SLX4IP: variants seen among roughly 807,000 people sequenced by gnomAD.
SLX4IP encodes the protein protein SLX4IP.
SLX4IP carries 34 observed loss-of-function variants against 32.9 expected under a neutral mutation model. The observed-to-expected ratio is 1.03, with a 90% CI of 0.79 to 1.38. The LOEUF is 1.38. SLX4IP is among the 40% of genes most tolerant of loss of function. SLX4IP has a pLI of 0.00. For missense variants in SLX4IP, 444 were observed against 479.0 expected, an observed-to-expected ratio of 0.93 and a Z score of 0.68; for synonymous variants, 172 against 171.7, an observed-to-expected ratio of 1.00 and a Z score of -0.01.
intron 4 of SLX4IP, among the ~76,000 whole-genome samples, chr20:10,594,784 C>A (rs550600255): frequency 6.6e-6 from 1 of 152,076 alleles, no homozygotes; most frequent in African/African-American, 2.4e-5. Context: ...ATGAAGACTG[C>A]AAATTTCTAG....
At chr20:10,504,097 A>G (rs2065740202) in intron 2 of SLX4IP, among the ~76,000 whole-genome samples, 1 of 152,206 alleles carries the variant, frequency 6.6e-6, no homozygotes, top group African/African-American at 2.4e-5. Flanking sequence ...AGCCATGAAG[A>G]AAGCCTAGAT....
chr20:10,540,084 C>CTCCT (rs745590164), intron 2 of SLX4IP, among the ~76,000 whole-genome samples: 2,390 of 124,728 alleles, frequency 0.019, 210 homozygotes, highest in Admixed American at 0.032. Flanking sequence ...TTTCTTTTCT[C>CTCCT]TCCTTCCTTC....
At chr20:10,443,029 A>T (rs2065171327) in intron 1 of SLX4IP, among the ~76,000 whole-genome samples, 1 of 152,210 alleles carries the variant, frequency 6.6e-6, no homozygotes, top group Non-Finnish European at 1.5e-5. Context: ...AATATGAAAC[A>T]CTAGGATCTT....
intron 6 of SLX4IP, among the ~76,000 whole-genome samples, chr20:10,603,578 G>A (rs912156911): frequency 6.6e-6 from 1 of 152,210 alleles, no homozygotes; most frequent in African/African-American, 2.4e-5. Flanking sequence ...CTTGTTTTGA[G>A]TGATTGTCTT....
chr20:10,616,231 A>G (rs1366778891), intron 6 of SLX4IP, among the ~76,000 whole-genome samples: 2 of 151,658 alleles, frequency 1.3e-5, no homozygotes, highest in African/African-American at 4.8e-5. Context: ...TTCCATTCTA[A>G]CCACTGCTCC....
chr20:10,524,023 T>TA (rs1444330375), intron 2 of SLX4IP, among the ~76,000 whole-genome samples: 2 of 152,202 alleles, frequency 1.3e-5, no homozygotes, highest in African/African-American at 4.8e-5. Context: ...TGGTCGAACG[T>TA]AAGAGCCTTC....
intron 4 of SLX4IP, among the ~76,000 whole-genome samples, chr20:10,562,363 C>T (rs918377315): frequency 7.2e-5 from 11 of 152,082 alleles, no homozygotes; most frequent in Admixed American, 5.2e-4. Flanking sequence ...GGAGTTGGGC[C>T]GCCCAGCTGC....
intron 2 of SLX4IP, among the ~76,000 whole-genome samples, chr20:10,529,590 CAAAAAAAAAAA>C (rs71334410): frequency 4.0e-3 from 212 of 53,642 alleles, no homozygotes; most frequent in African/African-American, 0.016. Flanking sequence ...GACTCCATCT[CAAAAAAAAAAA>C]AAAAAAAAAA....
At chr20:10,461,615 C>G (rs2065338953) in intron 2 of SLX4IP, among the ~76,000 whole-genome samples, 1 of 152,218 alleles carries the variant, frequency 6.6e-6, no homozygotes, top group Non-Finnish European at 1.5e-5. Flanking sequence ...TTTCTGTGCT[C>G]TGCTCCAGGG....
intron 1 of SLX4IP, among the ~76,000 whole-genome samples, chr20:10,457,264 G>A (rs2065292524): frequency 6.6e-6 from 1 of 152,076 alleles, no homozygotes; most frequent in Non-Finnish European, 1.5e-5. Flanking sequence ...GAAGTGGCAA[G>A]AGCAGACGTT....
chr20:10,473,867 G>A (rs576085038), intron 2 of SLX4IP, among the ~76,000 whole-genome samples: 1 of 151,836 alleles, frequency 6.6e-6, no homozygotes, highest in Non-Finnish European at 1.5e-5. Flanking sequence ...CTGTCGCCCA[G>A]GCTAGAGTGT....
chr20:10,559,408 T>C (rs964226883), intron 3 of SLX4IP, among the ~76,000 whole-genome samples: 8 of 152,236 alleles, frequency 5.3e-5, no homozygotes, highest in Admixed American at 5.2e-4. Flanking sequence ...AAAAATTTTG[T>C]TGTTTTAATT....
intron 1 of SLX4IP, among the ~76,000 whole-genome samples, chr20:10,444,332 G>A (rs1361313639): frequency 6.6e-6 from 1 of 150,812 alleles, no homozygotes; most frequent in African/African-American, 2.4e-5. Flanking sequence ...AGAATGGGAC[G>A]TTTAAGATCA....
intron 4 of SLX4IP, among the ~76,000 whole-genome samples, chr20:10,595,969 A>G (rs954892903): frequency 1.3e-5 from 2 of 152,188 alleles, no homozygotes; most frequent in Admixed American, 6.5e-5. Flanking sequence ...TTTTAACTTA[A>G]TTCTGTCCTG....
intron 2 of SLX4IP, among the ~76,000 whole-genome samples, chr20:10,547,490 C>G (rs1164426076): frequency 6.6e-6 from 1 of 152,224 alleles, no homozygotes; most frequent in African/African-American, 2.4e-5. Flanking sequence ...ACCCGAAAAA[C>G]TCAAGCTTAA....
At chr20:10,573,859 T>A (rs981129124) in intron 4 of SLX4IP, among the ~76,000 whole-genome samples, 1 of 152,250 alleles carries the variant, frequency 6.6e-6, no homozygotes, top group Non-Finnish European at 1.5e-5. Context: ...TCAAAACATT[T>A]TATAGGCTTT....
intron 6 of SLX4IP, among the ~76,000 whole-genome samples, chr20:10,605,411 A>G (rs1328366788): frequency 6.6e-6 from 1 of 152,164 alleles, no homozygotes; most frequent in Non-Finnish European, 1.5e-5. Context: ...CTGCTGAAGG[A>G]TATCCTGGTG....
intron 4 of SLX4IP, among the ~76,000 whole-genome samples, chr20:10,569,795 C>G (rs976657265): frequency 5.3e-5 from 8 of 152,186 alleles, no homozygotes; most frequent in African/African-American, 1.7e-4. Context: ...TTTGTCTTCA[C>G]ATAATTTTCC....
chr20:10,588,876 C>G (rs975027924), intron 4 of SLX4IP, among the ~76,000 whole-genome samples: 3 of 152,102 alleles, frequency 2.0e-5, no homozygotes, highest in Non-Finnish European at 4.4e-5. Flanking sequence ...ACTGTGGTGA[C>G]TGTAGTTAAT....
Sources: allele counts gnomAD v4.1 joint callset (sites outside exome capture counted in the v4.1 genomes callset), GRCh38; gene constraint gnomAD v4.1.1; transcripts MANE v1.5; gene names NCBI Gene and HGNC (gene_info 2026-07-23, HGNC 2026-07-21).